The following ROR1 variants were observed in gnomAD, a reference collection of about 807,000 sequenced individuals.
ROR1 encodes inactive tyrosine-protein kinase transmembrane receptor ROR1.
Under a neutral mutation model 78.8 loss-of-function variants are expected in ROR1, and 19 were observed. The observed-to-expected ratio is 0.24, with a 90% CI of 0.17 to 0.35. The LOEUF (loss-of-function observed/expected upper bound fraction) is 0.35. ROR1 is among the 10% of genes least tolerant of loss of function. The pLI, the probability that ROR1 is intolerant of heterozygous loss-of-function variation, is 1.00. For synonymous variants in ROR1, 386 were observed against 433.6 expected (o/e 0.89, Z 1.36); for missense variants, 917 against 1,177.8 (o/e 0.78, Z 3.24).
At chr1:63,969,070 GAA>G (rs1344407947) in intron 1 of ROR1, among the ~76,000 whole-genome samples, 1 of 152,142 alleles carries the variant, frequency 6.6e-6, no homozygotes, top group African/African-American at 2.4e-5. Context: ...AATCCTATCT[GAA>G]ATCATCCAGA....
At chr1:64,001,802 A>C (rs1170228127) in intron 1 of ROR1, among the ~76,000 whole-genome samples, 1 of 152,182 alleles carries the variant, frequency 6.6e-6, no homozygotes, top group East Asian at 1.9e-4. Flanking sequence ...TTAAATGAAC[A>C]TTAAAACTGC....
At position 63,805,991 on chromosome 1, in the gene ROR1, G is replaced by C. The variant is rs1272036779; in HGVS notation, c.91+31483G>C. Among the ~76,000 whole-genome samples, 5 of 152,314 alleles carry C rather than the reference G, an allele frequency of 3.3e-5. No homozygotes were observed. In the East Asian group the frequency reaches 9.6e-4, roughly 29 times the overall value. On this transcript the variant is annotated intron_variant, in intron 1 of 8. Coordinates refer to ENST00000371079, the MANE Select transcript of ROR1 (RefSeq NM_005012.4). ...ATATGATTGCATGACTGCACTCAAG[G>C]CTGGGCAACAAAGCGAGACGCTGTC...
chr1:63,805,715 A>G (rs551392717), intron 1 of ROR1, among the ~76,000 whole-genome samples: 1 of 152,362 alleles, frequency 6.6e-6, no homozygotes, highest in South Asian at 2.1e-4. Flanking sequence ...ATTCCAAAGT[A>G]TAAGATGCTT....
intron 4 of ROR1, among the ~76,000 whole-genome samples, chr1:64,058,547 T>C (rs1569648600): frequency 2.0e-5 from 3 of 151,752 alleles, no homozygotes; most frequent in African/African-American, 4.8e-5. Flanking sequence ...TGAAAAGCTA[T>C]TGGATTTTCT....
At chr1:63,921,660 C>T (rs149838943) in intron 1 of ROR1, among the ~76,000 whole-genome samples, 120 of 83,452 alleles carry the variant, frequency 1.4e-3, no homozygotes, top group African/African-American at 5.0e-3. Context: ...TGATAAGGTG[C>T]GGCAGAGAGA....
chr1:64,154,482 C>G (rs867982335), intron 7 of ROR1, among the ~76,000 whole-genome samples: 1 of 152,150 alleles, frequency 6.6e-6, no homozygotes, highest in South Asian at 2.1e-4. Context: ...AAAACCAGAG[C>G]CTTTTCTTGT....
intron 1 of ROR1, among the ~76,000 whole-genome samples, chr1:63,921,959 G>A (rs760915928): frequency 6.6e-6 from 1 of 152,108 alleles, no homozygotes; most frequent in Admixed American, 6.5e-5. Flanking sequence ...GGAAAGAGGG[G>A]GTATCTCAGG....
intron 8 of ROR1, among the ~76,000 whole-genome samples, chr1:64,174,255 TAAG>T (rs1394913772): frequency 2.0e-5 from 3 of 152,150 alleles, no homozygotes; most frequent in Non-Finnish European, 4.4e-5. Flanking sequence ...TCAGAAAAGT[TAAG>T]AAATTCACCC....
intron 1 of ROR1, among the ~76,000 whole-genome samples, chr1:63,796,679 TTCAGTTCCA>T (rs1644763020): frequency 6.6e-6 from 1 of 152,204 alleles, no homozygotes; most frequent in South Asian, 2.1e-4. Flanking sequence ...CAGTCGTACA[TTCAGTTCCA>T]GTGCTAGATA....
At chr1:63,782,582 A>C (rs535535969) in intron 1 of ROR1, among the ~76,000 whole-genome samples, 7 of 145,350 alleles carry the variant, frequency 4.8e-5, no homozygotes, top group African/African-American at 8.0e-5. Flanking sequence ...ACAGCTGCTA[A>C]TGTTACCTTA....
At chr1:63,840,341 G>A (rs1456809688) in intron 1 of ROR1, among the ~76,000 whole-genome samples, 1 of 149,410 alleles carries the variant, frequency 6.7e-6, no homozygotes, top group East Asian at 2.0e-4. Flanking sequence ...GTGCAATGGT[G>A]CGATCTCGGC....
rs3222313 is a variant in ROR1 at position 63,876,675 on chromosome 1, TGTGTGTGCGC to T, written c.91+102175_91+102184del. 6.6e-3 allele frequency among the ~76,000 whole-genome samples: 546 copies of T among 83,194 alleles called. 4 individuals carry two copies. The highest frequency in any genetic ancestry group is 0.057 in the African/African-American group (518 of 9,142). 54.6% of individuals were successfully genotyped at this position (83,194 alleles called of 152,430 possible). A position where few individuals can be genotyped will look rare whatever the true frequency, so the allele number is the denominator to read the frequency against. On this transcript the variant is annotated intron_variant, in intron 1 of 8. Coordinates refer to ENST00000371079, the MANE Select transcript of ROR1 (RefSeq NM_005012.4). ...GTGTGTGTGTGTGTGTGTGTGTGTG[TGTGTGTGCGC>T]GTGTGTGTGTGAGAACATGTGTTTA... is the stretch of plus-strand genomic sequence containing the variant.
chr1:63,777,441 T>G (rs1488046189), intron 1 of ROR1, among the ~76,000 whole-genome samples: 3 of 152,210 alleles, frequency 2.0e-5, no homozygotes, highest in Non-Finnish European at 4.4e-5. Context: ...CCTGGCTGGC[T>G]AGGGGGAGCC....
intron 1 of ROR1, among the ~76,000 whole-genome samples, chr1:63,954,650 G>C (rs1460126820): frequency 1.3e-5 from 2 of 152,098 alleles, no homozygotes; most frequent in South Asian, 2.1e-4. Context: ...GTCTGTACAG[G>C]CATTTTTTTC....
rs1650428472 is a variant in ROR1, at chr1:64,177,814, T to C, written c.1773T>C (p.Asp591=). The C allele has an allele frequency of 3.7e-6, 6 of 1,614,008 alleles. No individual in the cohort carries two copies. The highest frequency in any genetic ancestry group is 5.1e-6 in the Non-Finnish European group (6 of 1,180,028). ...TGAAATCCAGCCTGGACCACGGAGA[T>C]TTTCTGCACATTGCAATTCAGATTG... The part of the protein sequence containing the change: ...GTVKSSLDHG[D]FLHIAIQIAA... Residue 591 remains aspartate, a synonymous_variant, in exon 9 of 9, where the codon GAT becomes GAC. Transcript: ENST00000371079.
intron 1 of ROR1, among the ~76,000 whole-genome samples, chr1:63,928,160 G>A (rs182529634): frequency 1.3e-5 from 2 of 152,284 alleles, no homozygotes; most frequent in Non-Finnish European, 2.9e-5. Flanking sequence ...CTTGGCAATC[G>A]CAAGCTCCAT....
chr1:63,862,253 G>T (rs1569833089), intron 1 of ROR1, among the ~76,000 whole-genome samples: 1 of 151,850 alleles, frequency 6.6e-6, no homozygotes, highest in Non-Finnish European at 1.5e-5. Context: ...AATTAGCCAG[G>T]TATGGTGGCA....
intron 1 of ROR1, among the ~76,000 whole-genome samples, chr1:63,796,229 G>C (rs1450669455): frequency 1.3e-5 from 2 of 152,174 alleles, no homozygotes; most frequent in East Asian, 3.9e-4. Flanking sequence ...CAATAAACTT[G>C]AGTTTATCTC....
At chr1:63,872,567 T>A (rs1285117712) in intron 1 of ROR1, among the ~76,000 whole-genome samples, 1 of 152,174 alleles carries the variant, frequency 6.6e-6, no homozygotes, top group Non-Finnish European at 1.5e-5. Flanking sequence ...GATTGAAAGA[T>A]ATACACACCA....
Sources: gnomAD v4.1 joint callset for allele counts (sites outside exome capture counted in the v4.1 genomes callset) on GRCh38, gnomAD v4.1.1 for gene constraint, MANE v1.5 for transcripts, NCBI Gene and HGNC (gene_info 2026-07-23, HGNC 2026-07-21) for gene names.